SPATS2L: variants seen among roughly 807,000 people sequenced by gnomAD.
SPATS2L encodes the protein spermatogenesis associated serine rich 2 like.
Under a neutral mutation model 59.6 loss-of-function variants are expected in SPATS2L, and 30 were observed. The observed-to-expected ratio is 0.50, with a 90% CI of 0.38 to 0.68. SPATS2L has a LOEUF of 0.68. SPATS2L is among the 30% of genes least tolerant of loss of function. The probability of loss-of-function intolerance (pLI) is 0.00; values close to 1 mark genes in which losing one functional copy is unlikely to be tolerated. For missense variants in SPATS2L, 615 were observed against 700.0 expected (o/e 0.88, Z 1.37); for synonymous variants, 252 against 263.5 (o/e 0.96, Z 0.42).
At chr2:200,330,737 A>G (rs2079913166) in intron 2 of SPATS2L, among the ~76,000 whole-genome samples, 1 of 152,250 alleles carries the variant, frequency 6.6e-6, no homozygotes. Context: ...GCTTGATGGA[A>G]AGATGTACCA....
In SPATS2L at chr2:200,371,051, G is replaced by A. The variant is rs1263966944; in HGVS notation, c.-22-18172G>A. Among the ~76,000 whole-genome samples the A allele has an allele frequency of 2.6e-5, 4 of 152,128 alleles. No individual in the cohort carries two copies. In the East Asian group the frequency reaches 7.7e-4, roughly 29 times the overall value. ...GACTCAGGTCATATGAGGAAATCTT[G>A]GGGGTTTTAATTGATTGTCGGCTCA... is the stretch of plus-strand genomic sequence containing the variant. On this transcript the variant is annotated intron_variant, in intron 2 of 12. Coordinates refer to ENST00000409140, the MANE Select transcript of SPATS2L (RefSeq NM_001100423.2).
In SPATS2L at chr2:200,472,910, C is replaced by T; in HGVS notation, c.1139C>T (p.Thr380Ile). ...LLPLLNAHAA[T>I]SGKQSNFSRK... ...CCTCTGCTGAATGCGCACGCAGCAA[C>T]CTCTGGGAAACAGAGTAACTTTTCC... The change falls in exon 12 of 13, where the codon ACC becomes ATC. Residue 380 changes from threonine to isoleucine, a missense_variant. Coordinates refer to ENST00000409140, the MANE Select transcript of SPATS2L (RefSeq NM_001100423.2). 6.2e-7 allele frequency: 1 copy of T among 1,613,956 alleles called. No individual in the cohort carries two copies.
Position 200,439,227 on chromosome 2 carries a change from C to T in SPATS2L, c.551C>T (p.Pro184Leu). ...GGCCTACAGTGGTCAGCTGAGCAGC[C>T]TTGTAACCCAAGCAAGCCTAAGGCA... is the stretch of plus-strand genomic sequence containing the variant. ...SDGLQWSAEQ[P>L]CNPSKPKAKT... The change falls in exon 7 of 13, where the codon CCT becomes CTT. Residue 184 changes from proline to leucine, a missense_variant. This residue lies in a region of SPATS2L where 227 missense variants were observed against 257.4 expected (regional missense o/e 0.88). Transcript: ENST00000409140. 1 of 1,613,640 alleles carries T rather than the reference C, an allele frequency of 6.2e-7. No homozygotes were observed. The highest frequency in any genetic ancestry group is 1.1e-5 in the South Asian group (1 of 91,074).
rs575881427 is a variant in SPATS2L, at chr2:200,336,376, A to G, written c.-23+6896A>G. 1.4e-4 allele frequency among the ~76,000 whole-genome samples: 22 copies of G among 152,342 alleles called. No individual in the cohort carries two copies. The Middle Eastern group carries it at 0.01, about 71-fold the overall frequency. ...TTCCATGTTTTATAAGGTATATAACATATTAATACAATAATACATGTATAT... is the reference window on the plus strand; with the variant it reads ...TTCCATGTTTTATAAGGTATATAACGTATTAATACAATAATACATGTATAT... On this transcript the variant is annotated intron_variant, in intron 2 of 12. Coordinates refer to ENST00000409140, the MANE Select transcript of SPATS2L (RefSeq NM_001100423.2).
At chr2:200,475,797 A>G (rs778652097) in intron 12 of SPATS2L, among the ~76,000 whole-genome samples, 3 of 152,230 alleles carry the variant, frequency 2.0e-5, no homozygotes, top group African/African-American at 4.8e-5. Context: ...GAAGAACCTT[A>G]TATATTTGTA....
At chr2:200,389,774 TC>T (rs2082114972) in intron 3 of SPATS2L, 1 of 153,178 alleles carries the variant, frequency 6.5e-6, no homozygotes, top group African/African-American at 2.4e-5. Context: ...CTTTGAAGTT[TC>T]TTTCAACGCT....
At chr2:200,459,493 C>T (rs2086088398) in intron 8 of SPATS2L, among the ~76,000 whole-genome samples, 1 of 152,122 alleles carries the variant, frequency 6.6e-6, no homozygotes, top group Non-Finnish European at 1.5e-5. Flanking sequence ...AATTTAAATT[C>T]AAAGCAGCAC....
rs545204558 is a variant in SPATS2L, at chr2:200,404,891, T to C, written c.40-7420T>C. On this transcript the variant is annotated intron_variant, in intron 3 of 12. Coordinates refer to ENST00000409140, the MANE Select transcript of SPATS2L (RefSeq NM_001100423.2). ...CCCGGAGAGGCTGGCCAAGCCTTTC[T>C]CTCATTGCATCACTGTCCCATTGAC... is the stretch of plus-strand genomic sequence containing the variant. 8.5e-5 allele frequency among the ~76,000 whole-genome samples: 13 copies of C among 152,230 alleles called. No individual in the cohort carries two copies. The South Asian group carries it at 2.7e-3, about 32-fold the overall frequency.
chr2:200,410,257 G>A (rs2082830908), intron 3 of SPATS2L, among the ~76,000 whole-genome samples: 1 of 152,130 alleles, frequency 6.6e-6, no homozygotes, highest in South Asian at 2.1e-4. Context: ...ATAATCTTTA[G>A]GTATAATTCC....
chr2:200,434,088 C>T (rs1410054366), intron 6 of SPATS2L, among the ~76,000 whole-genome samples: 1 of 151,790 alleles, frequency 6.6e-6, no homozygotes, highest in African/African-American at 2.4e-5. Flanking sequence ...AAGGATAATA[C>T]TGCATGACCA....
At position 200,326,766 on chromosome 2, in the gene SPATS2L, C is replaced by T. The variant is rs190130736; in HGVS notation, c.-72-2665C>T. 2.0e-5 allele frequency among the ~76,000 whole-genome samples: 3 copies of T among 151,942 alleles called. No individual in the cohort carries two copies. In the East Asian group the frequency reaches 5.9e-4, roughly 30 times the overall value. On this transcript the variant is annotated intron_variant, in intron 1 of 12. Transcript: ENST00000409140. ...TTTTCGAGACGGAGTCTTGCTCTGT[C>T]ACCCAGGCTAGAGTGCAGTGGTACA...
chr2:200,460,809 T>TG (rs1055258224), intron 9 of SPATS2L: 6 of 151,800 alleles, frequency 4.0e-5, no homozygotes, highest in Non-Finnish European at 7.4e-5. Context: ...TAAACAGTTT[T>TG]TTTTTGTTTT....
chr2:200,375,823 C>G (rs1328060982), intron 2 of SPATS2L, among the ~76,000 whole-genome samples: 1 of 152,058 alleles, frequency 6.6e-6, no homozygotes, highest in Non-Finnish European at 1.5e-5. Context: ...GACAGGGTTT[C>G]ACCGTGTTGC....
At chr2:200,409,055 T>C (rs935252497) in intron 3 of SPATS2L, among the ~76,000 whole-genome samples, 6 of 152,242 alleles carry the variant, frequency 3.9e-5, no homozygotes, top group Non-Finnish European at 8.8e-5. Flanking sequence ...GAGAGTCCTT[T>C]AGCGGGGCAG....
intron 6 of SPATS2L, among the ~76,000 whole-genome samples, chr2:200,436,764 T>C (rs2084323993): frequency 1.3e-5 from 2 of 152,198 alleles, no homozygotes; most frequent in Admixed American, 6.5e-5. Context: ...TACGACACTA[T>C]ACACGAAGAT....
chr2:200,310,772 T>C (rs964580894), intron 1 of SPATS2L, among the ~76,000 whole-genome samples: 1 of 152,254 alleles, frequency 6.6e-6, no homozygotes, highest in Non-Finnish European at 1.5e-5. Flanking sequence ...CTCACTGCCC[T>C]TCTAAGATGA....
intron 8 of SPATS2L, among the ~76,000 whole-genome samples, chr2:200,444,761 C>T (rs541509768): frequency 2.0e-5 from 3 of 152,256 alleles, no homozygotes; most frequent in East Asian, 3.9e-4. Flanking sequence ...GCCAATTTTC[C>T]TGCGTCTTAG....
At chr2:200,405,087 C>A (rs1172780361) in intron 3 of SPATS2L, among the ~76,000 whole-genome samples, 1 of 152,158 alleles carries the variant, frequency 6.6e-6, no homozygotes, top group East Asian at 1.9e-4. Flanking sequence ...GGGGATAAGG[C>A]CATGGACGTC....
At chr2:200,422,537 CAA>C (rs34573978) in intron 6 of SPATS2L, among the ~76,000 whole-genome samples, 89 of 133,158 alleles carry the variant, frequency 6.7e-4, no homozygotes, top group East Asian at 1.1e-3. Context: ...TAAGACTCCT[CAA>C]AAAAAAAAAA....
Sources: gnomAD v4.1 joint callset for allele counts (sites outside exome capture counted in the v4.1 genomes callset) on GRCh38, gnomAD v4.1.1 for gene constraint, gnomAD v4.1.1 regional missense constraint, MANE v1.5 for transcripts, NCBI Gene and HGNC (gene_info 2026-07-23, HGNC 2026-07-21) for gene names.